Variants in TRANK1 observed in about 807,000 individuals in gnomAD.
The protein encoded by TRANK1 is TPR and ankyrin repeat-containing protein 1.
TRANK1 carries 198 observed loss-of-function variants against 266.0 expected under a neutral mutation model. The observed-to-expected ratio is 0.74, with a 90% CI of 0.66 to 0.84. TRANK1 has a LOEUF of 0.84. Among genes scored for constraint, TRANK1 ranks in the 40% least tolerant of loss-of-function variants. The pLI is 0.00. For synonymous variants in TRANK1, 1,396 were observed against 1,384.1 expected (o/e 1.01, Z -0.19); for missense variants, 3,326 against 3,634.6 (o/e 0.92, Z 2.18).
intron 1 of TRANK1, among the ~76,000 whole-genome samples, chr3:36,919,180 C>T (rs1171032155): frequency 6.6e-6 from 1 of 152,068 alleles, no homozygotes; most frequent in Non-Finnish European, 1.5e-5. Flanking sequence ...TAGTATAATG[C>T]GTGTAACATG....
chr3:36,898,627 G>A (rs1053171515), intron 4 of TRANK1, among the ~76,000 whole-genome samples: 10 of 152,204 alleles, frequency 6.6e-5, no homozygotes, highest in East Asian at 1.9e-4. Context: ...CAAGGCGGGC[G>A]GATCACGAGG....
intron 1 of TRANK1, among the ~76,000 whole-genome samples, chr3:36,925,948 C>G (rs2080282669): frequency 6.6e-6 from 1 of 152,162 alleles, no homozygotes; most frequent in Admixed American, 6.5e-5. Context: ...CAGTAACTCT[C>G]CAACTACCTC....
chr3:36,864,858 T>G (rs2079191646), intron 9 of TRANK1, among the ~76,000 whole-genome samples: 1 of 152,068 alleles, frequency 6.6e-6, no homozygotes, highest in Non-Finnish European at 1.5e-5. Flanking sequence ...TTGTCCAAAC[T>G]GAGACCCTAT....
At chr3:36,912,990 G>C (rs2080073278) in intron 1 of TRANK1, among the ~76,000 whole-genome samples, 1 of 151,756 alleles carries the variant, frequency 6.6e-6, no homozygotes, top group Non-Finnish European at 1.5e-5. Flanking sequence ...GCTGGCAGTA[G>C]CAGTAGATCC....
intron 13 of TRANK1, among the ~76,000 whole-genome samples, chr3:36,852,802 A>G (rs2079003457): frequency 6.7e-6 from 1 of 150,302 alleles, no homozygotes; most frequent in African/African-American, 2.4e-5. Flanking sequence ...AAAAAAAACA[A>G]TGAGAGCTGT....
chr3:36,840,797 A>T (rs867843370), intron 18 of TRANK1, among the ~76,000 whole-genome samples: 29 of 152,314 alleles, frequency 1.9e-4, no homozygotes, highest in African/African-American at 6.5e-4. Flanking sequence ...AGACATGCCC[A>T]GCTGACTGCA....
intron 15 of TRANK1, chr3:36,850,631 T>C (rs1035300736): frequency 1.5e-5 from 12 of 794,752 alleles, no homozygotes; most frequent in African/African-American, 7.5e-5. Context: ...TTTTAAAAAA[T>C]AGAATGAGAG....
chr3:36,867,387 T>C (rs1329689936), intron 9 of TRANK1, among the ~76,000 whole-genome samples: 1 of 152,190 alleles, frequency 6.6e-6, no homozygotes, highest in South Asian at 2.1e-4. Flanking sequence ...CACAATTAGA[T>C]GCAGCTGCAT....
At chr3:36,877,514 T>C (rs2079407013) in intron 8 of TRANK1, among the ~76,000 whole-genome samples, 1 of 152,196 alleles carries the variant, frequency 6.6e-6, no homozygotes, top group Admixed American at 6.5e-5. Flanking sequence ...AAAAGAATGG[T>C]CTCCAAGCCT....
At chr3:36,862,319 C>T (rs910699191) in intron 10 of TRANK1, among the ~76,000 whole-genome samples, 16 of 151,980 alleles carry the variant, frequency 1.1e-4, no homozygotes, top group South Asian at 6.2e-4. Context: ...TGCTAGTTTC[C>T]GCTTCCCATC....
chr3:36,831,336 C>A lies in TRANK1; in HGVS notation c.8247G>T (p.Glu2749Asp). ...RVGTQMERVR[E>D]EAREPRAGNF... ...TCCCAGCCCTGGGCTCCCTGGCCTC[C>A]TCCCTGACACGCTCCATCTGGGTGC... Residue 2749 changes from glutamate (E) to aspartate (D), a missense_variant, in exon 22 of 24, where the codon GAG (glutamate) becomes GAT (aspartate). By Grantham distance (45) the Glu-to-Asp change is conservative. Coordinates refer to ENST00000645898, the MANE Select transcript of TRANK1 (RefSeq NM_001329998.2). This position sits in a 1 kb window ranked among gnomAD's most constrained non-coding sequence, Gnocchi z 5.0. 6.2e-7 allele frequency: 1 copy of A among 1,613,648 alleles called. No homozygotes were observed. The highest frequency in any genetic ancestry group is 1.7e-5 in the Admixed American group (1 of 59,982).
intron 8 of TRANK1, among the ~76,000 whole-genome samples, chr3:36,881,325 G>A (rs181002169): frequency 1.2e-3 from 190 of 152,150 alleles, no homozygotes; most frequent in African/African-American, 4.1e-3. Context: ...GGTGGCATGC[G>A]CCTGTAGTCC....
At position 36,828,257 on chromosome 3, in the gene TRANK1, G is replaced by A. The variant is rs767839105; in HGVS notation, c.*18C>T. On this transcript the variant is annotated 3_prime_UTR_variant, in exon 24 of 24. Transcript: ENST00000645898. ...ATGGAATGTTCCGAAGGATGAGGAGGCTGCAGCTGTGTGGACATTAGTATT... is the reference window on the plus strand; with the variant it reads ...ATGGAATGTTCCGAAGGATGAGGAGACTGCAGCTGTGTGGACATTAGTATT... 6.4e-6 allele frequency: 10 copies of A among 1,572,862 alleles called. No homozygotes were observed. Among genetic ancestry groups the A allele is most frequent in the South Asian group, 1.1e-5 (1 of 87,948 alleles).
Position 36,833,062 on chromosome 3 carries a change from C to A in TRANK1, c.6521G>T (p.Gly2174Val). The part of the protein sequence containing the change: ...VKLALNKHLL[G>V]RLCQITRSLL... ...GCTCCGTGTGATCTGACACAGCCTG[C>A]CCAAAAGGTGTTTGTTTAGGGCTAA... The change falls in exon 22 of 24, where the codon GGC becomes GTC. Residue 2174 changes from glycine to valine, a missense_variant. By Grantham distance (109) the Gly-to-Val change is moderately radical. Transcript: ENST00000645898. 6.2e-7 allele frequency: 1 copy of A among 1,612,786 alleles called. No homozygotes were observed.
chr3:36,884,438 T>C (rs1202996184), intron 8 of TRANK1, among the ~76,000 whole-genome samples: 3 of 152,136 alleles, frequency 2.0e-5, no homozygotes, highest in Non-Finnish European at 4.4e-5. Context: ...AAGGAAGTGC[T>C]CAAGGGGACT....
At chr3:36,901,411 C>T (rs971946819) in intron 3 of TRANK1, among the ~76,000 whole-genome samples, 2 of 152,164 alleles carry the variant, frequency 1.3e-5, no homozygotes, top group African/African-American at 4.8e-5. Context: ...CATATATACA[C>T]CTTCCCACAG....
chr3:36,847,282 T>C lies in TRANK1; in HGVS notation c.4952A>G (p.Asn1651Ser), dbSNP rs775206751. The C allele has an allele frequency of 1.2e-6, 2 of 1,613,576 alleles. No homozygotes were observed. The highest frequency in any genetic ancestry group is 2.2e-5 in the South Asian group (2 of 90,996). ...TPTSTDSREENRPLVEVPLDK... is the reference protein window; with the variant it reads ...TPTSTDSREESRPLVEVPLDK... ...CAGGGGTACTTCAACCAATGGCCGG[T>C]TTTCCTCTCTGGAGTCAGTTGAGGT... Residue 1651 changes from asparagine to serine, a missense_variant, in exon 16 of 24, where the codon AAC becomes AGC. Asn to Ser is a conservative substitution (Grantham distance 46). Transcript: ENST00000645898.
At position 36,855,138 on chromosome 3, in the gene TRANK1, C is replaced by A. The variant is rs573999832; in HGVS notation, c.4549+35G>T. ...AGGCAGCCCAAAGTCTGTGCCTAAG[C>A]ACCCCCAGTAGGCAAACCCAAGAGC... On this transcript the variant is annotated intron_variant, in intron 13 of 23. Coordinates refer to ENST00000645898, the MANE Select transcript of TRANK1 (RefSeq NM_001329998.2). 1.1e-3 allele frequency: 1,643 copies of A among 1,559,306 alleles called. 22 individuals are homozygous for A. In the South Asian group the frequency reaches 0.018, roughly 17 times the overall value.
intron 8 of TRANK1, among the ~76,000 whole-genome samples, chr3:36,876,245 A>T (rs1465949527): frequency 6.6e-6 from 1 of 152,240 alleles, no homozygotes; most frequent in Non-Finnish European, 1.5e-5. Flanking sequence ...CCCTGTGACA[A>T]CCACATTCTC....
Sources: gnomAD v4.1 joint callset for allele counts (sites outside exome capture counted in the v4.1 genomes callset) on GRCh38, gnomAD v4.1.1 for gene constraint, Gnocchi (gnomAD v3.1) non-coding constraint, MANE v1.5 for transcripts, NCBI Gene and HGNC (gene_info 2026-07-23, HGNC 2026-07-21) for gene names.